Variants in USPL1 observed in about 807,000 individuals in gnomAD.
USPL1 encodes ubiquitin specific peptidase like 1, also known as SUMO-specific isopeptidase USPL1.
In USPL1, 27 loss-of-function variants were observed where a neutral mutation model predicts 51.5. The ratio of observed to expected loss-of-function variants is 0.52; its 90% CI spans 0.39 to 0.72. USPL1 has a LOEUF of 0.72. Among genes scored for constraint, USPL1 ranks in the 30% least tolerant of loss-of-function variants. The pLI is 0.00. For missense variants in USPL1, 1,226 were observed against 1,268.0 expected (o/e 0.97, Z 0.50); for synonymous variants, 451 against 459.6 (o/e 0.98, Z 0.24).
At chr13:30,647,961 A>G (rs1410769228) in intron 7 of USPL1, among the ~76,000 whole-genome samples, 1 of 152,092 alleles carries the variant, frequency 6.6e-6, no homozygotes. Context: ...ATTTACTTTT[A>G]CTTTTCAAAT....
chr13:30,658,481 A>G lies in USPL1; in HGVS notation c.2404A>G (p.Lys802Glu). The part of the protein sequence containing the change: ...GVNNFGGFKT[K>E]GINQKASHVS... Reference sequence around the variant, plus strand: ...AAATAATTTTGGTGGCTTTAAAACTAAAGGTATAAACCAGAAGGCCAGCCA... The same window carrying G: ...AAATAATTTTGGTGGCTTTAAAACTGAAGGTATAAACCAGAAGGCCAGCCA... The change falls in exon 9 of 9, where the codon AAA (lysine) becomes GAA (glutamate). Residue 802 changes from lysine to glutamate, a missense_variant. Transcript: ENST00000255304. 1 of 1,613,878 alleles carries G rather than the reference A, an allele frequency of 6.2e-7. No homozygotes were observed. The highest frequency in any genetic ancestry group is 8.5e-7 in the Non-Finnish European group (1 of 1,180,032).
chr13:30,653,072 C>T, intron 7 of USPL1, 76 bp from the exon 8 acceptor site: 1 of 1,416,146 alleles, frequency 7.1e-7, no homozygotes, highest in Non-Finnish European at 9.5e-7. Context: ...GTGACTAGTT[C>T]ACTTCAGACA....
chr13:30,625,991 G>GAA (rs1950710131), intron 3 of USPL1, among the ~76,000 whole-genome samples: 1 of 152,090 alleles, frequency 6.6e-6, no homozygotes, highest in Admixed American at 6.5e-5. Flanking sequence ...AAATGGTTAG[G>GAA]AAAATATCAA....
In USPL1 at chr13:30,637,732, G is replaced by C. The variant is rs1412394112; in HGVS notation, c.869-12G>C. 6.3e-7 allele frequency: 1 copy of C among 1,581,876 alleles called. No homozygotes were observed. The highest frequency in any genetic ancestry group is 1.1e-5 in the South Asian group (1 of 89,210). On this transcript the variant is annotated splice_polypyrimidine_tract_variant and intron_variant, in intron 4 of 8. Coordinates refer to ENST00000255304, the MANE Select transcript of USPL1 (RefSeq NM_005800.5). ...TGATGAGGAATTGATAATGTTCTCT[G>C]TATTTTCTTAGATGGAGATTGTAAA...
intron 3 of USPL1, among the ~76,000 whole-genome samples, chr13:30,628,385 GTTTA>G (rs533195619): frequency 2.0e-3 from 307 of 152,086 alleles, no homozygotes; most frequent in African/African-American, 6.9e-3. Flanking sequence ...GTTTATTTCT[GTTTA>G]TTTATTTATT....
At chr13:30,649,762 GCTTT>G (rs1367992405) in intron 7 of USPL1, among the ~76,000 whole-genome samples, 1 of 152,186 alleles carries the variant, frequency 6.6e-6, no homozygotes, top group African/African-American at 2.4e-5. Flanking sequence ...GCTCCCTTGT[GCTTT>G]CTTTCTCTCT....
chr13:30,643,908 C>G (rs935671394), intron 6 of USPL1, among the ~76,000 whole-genome samples: 6 of 151,850 alleles, frequency 4.0e-5, no homozygotes, highest in African/African-American at 1.5e-4. Flanking sequence ...CCATGCCTAG[C>G]CACACTTTTC....
In USPL1 at chr13:30,642,636, G is replaced by A. The variant is rs575714973; in HGVS notation, c.991G>A (p.Glu331Lys). 9 of 1,610,652 alleles carry A rather than the reference G, an allele frequency of 5.6e-6. No homozygotes were observed. Among genetic ancestry groups the A allele is most frequent in the Admixed American group, 1.7e-5 (1 of 58,856 alleles). ...TCCTTTTCTTTTTGAAGGTGATATGGAAAGCCCTGTGTTTGCATTTCCCCT... is the reference window on the plus strand; with the variant it reads ...TCCTTTTCTTTTTGAAGGTGATATGAAAAGCCCTGTGTTTGCATTTCCCCT... ...PQLRCTLGDM[E>K]SPVFAFPLLL... The change falls in exon 6 of 9, where the codon GAA becomes AAA. Residue 331 changes from glutamate to lysine, a missense_variant. Transcript: ENST00000255304.
At chr13:30,620,726 G>A (rs1201334641) in intron 1 of USPL1, among the ~76,000 whole-genome samples, 1 of 152,084 alleles carries the variant, frequency 6.6e-6, no homozygotes, top group Non-Finnish European at 1.5e-5. Flanking sequence ...TGGCATATTT[G>A]TTTCAAATTG....
intron 8 of USPL1, among the ~76,000 whole-genome samples, chr13:30,656,601 A>G (rs867621058): frequency 6.6e-6 from 1 of 152,202 alleles, no homozygotes; most frequent in Non-Finnish European, 1.5e-5. Context: ...CGGACATTTG[A>G]CTATTGTGAA....
intron 3 of USPL1, among the ~76,000 whole-genome samples, chr13:30,624,290 A>G (rs1445794883): frequency 6.6e-6 from 1 of 152,146 alleles, no homozygotes; most frequent in East Asian, 1.9e-4. Context: ...GTCATAATCA[A>G]AATGGAGTCA....
intron 5 of USPL1, among the ~76,000 whole-genome samples, chr13:30,639,283 T>A (rs1950916006): frequency 6.6e-6 from 1 of 151,792 alleles, no homozygotes; most frequent in Non-Finnish European, 1.5e-5. Flanking sequence ...TATATATATA[T>A]ATCGGGAAGC....
chr13:30,658,460 A>T lies in USPL1; in HGVS notation c.2383A>T (p.Asn795Tyr). The change falls in exon 9 of 9, where the codon AAT becomes TAT. Residue 795 changes from asparagine (N) to tyrosine (Y), a missense_variant. Transcript: ENST00000255304. The stretch of plus-strand genomic sequence containing the variant: ...ACAACCTTCAGTTAAAGGGGTAAAT[A>T]ATTTTGGTGGCTTTAAAACTAAAGG... ...DLQPSVKGVN[N>Y]FGGFKTKGIN... 6.2e-7 allele frequency: 1 copy of T among 1,613,830 alleles called. No individual in the cohort carries two copies.
chr13:30,648,963 A>T (rs1398616907), intron 7 of USPL1, among the ~76,000 whole-genome samples: 1 of 152,168 alleles, frequency 6.6e-6, no homozygotes, highest in East Asian at 1.9e-4. Context: ...AGCTGTTCAT[A>T]CCTGCTTTTT....
chr13:30,657,999 A>G lies in USPL1; in HGVS notation c.1922A>G (p.Asn641Ser), dbSNP rs780081480. 37 of 1,613,330 alleles carry G rather than the reference A, an allele frequency of 2.3e-5. No homozygotes were observed. Among genetic ancestry groups the G allele is most frequent in the Non-Finnish European group, 3.1e-5 (37 of 1,179,998 alleles). The change falls in exon 9 of 9, where the codon AAT becomes AGT. Residue 641 changes from asparagine (N) to serine (S), a missense_variant. Asn to Ser is a conservative substitution (Grantham distance 46). Coordinates refer to ENST00000255304, the MANE Select transcript of USPL1 (RefSeq NM_005800.5). Reference protein sequence around the residue: ...LMASSVSAPCNEKLIQDQFVD... With the variant: ...LMASSVSAPCSEKLIQDQFVD... ...GCTTCTTCAGTATCAGCTCCATGTA[A>G]TGAAAAGCTTATTCAAGACCAATTT...
chr13:30,645,472 G>A (rs1188593712), intron 6 of USPL1, among the ~76,000 whole-genome samples: 1 of 152,180 alleles, frequency 6.6e-6, no homozygotes, highest in Admixed American at 6.5e-5. Flanking sequence ...GAGCTCAAGG[G>A]AGGGAAGCCA....
At chr13:30,618,690 G>C (rs1025429697) in intron 1 of USPL1, among the ~76,000 whole-genome samples, 8 of 152,154 alleles carry the variant, frequency 5.3e-5, no homozygotes, top group Non-Finnish European at 1.0e-4. Flanking sequence ...TTCACATTAA[G>C]GCTTCTGGAG....
intron 4 of USPL1, among the ~76,000 whole-genome samples, chr13:30,636,388 T>C (rs1430353429): frequency 6.6e-6 from 1 of 152,054 alleles, no homozygotes; most frequent in Non-Finnish European, 1.5e-5. Flanking sequence ...AAAATTCTGG[T>C]TAATGCTTAT....
chr13:30,646,938 G>A lies in USPL1; in HGVS notation c.1119G>A (p.Met373Ile). Residue 373 changes from methionine to isoleucine, a missense_variant, in exon 7 of 9, where the codon ATG becomes ATA. Met to Ile is a conservative substitution (Grantham distance 10). Transcript: ENST00000255304. The stretch of plus-strand genomic sequence containing the variant: ...TTATGTCATTTTTTTATAGGCATAT[G>A]AAGAGTCTGGTCACCTTTACAAATG... ...QCGHQYQNRH[M>I]KSLVTFTNVI... The A allele has an allele frequency of 6.2e-7, 1 of 1,612,172 alleles. No individual in the cohort carries two copies. The highest frequency in any genetic ancestry group is 8.5e-7 in the Non-Finnish European group (1 of 1,179,242).
Sources: allele counts gnomAD v4.1 joint callset (sites outside exome capture counted in the v4.1 genomes callset), GRCh38; gene constraint gnomAD v4.1.1; transcripts MANE v1.5; gene names NCBI Gene and HGNC (gene_info 2026-07-23, HGNC 2026-07-21).